The following NTRK3 variants were observed in gnomAD, a reference collection of about 807,000 sequenced individuals.
The protein encoded by NTRK3 is neurotrophic receptor tyrosine kinase 3.
In NTRK3, 24 loss-of-function variants were observed where a neutral mutation model predicts 91.7. The observed-to-expected ratio is 0.26, with a 90% CI of 0.19 to 0.37. The LOEUF is 0.37. NTRK3 is among the 10% of genes least tolerant of loss of function. The pLI, the probability that NTRK3 is intolerant of heterozygous loss-of-function variation, is 1.00. For missense variants in NTRK3, 880 were observed against 1,068.9 expected, an observed-to-expected ratio of 0.82 and a Z score of 2.46; for synonymous variants, 483 against 404.0, an observed-to-expected ratio of 1.20 and a Z score of -2.34.
intron 5 of NTRK3, among the ~76,000 whole-genome samples, chr15:88,175,100 T>G (rs1182596419): frequency 3.3e-5 from 5 of 152,278 alleles, no homozygotes; most frequent in Non-Finnish European, 5.9e-5. Flanking sequence ...GTAGCCTATC[T>G]ACTGCATACA....
chr15:87,893,859 G>C (rs1227207579), intron 17 of NTRK3, among the ~76,000 whole-genome samples: 1 of 152,150 alleles, frequency 6.6e-6, no homozygotes, highest in Non-Finnish European at 1.5e-5. Flanking sequence ...GGAACCAATG[G>C]AGGGATTCAA....
chr15:88,111,134 C>A (rs1189114304), intron 13 of NTRK3, among the ~76,000 whole-genome samples: 1 of 152,154 alleles, frequency 6.6e-6, no homozygotes, highest in Non-Finnish European at 1.5e-5. Context: ...GGGGGTTCAC[C>A]CCGGGCATGG....
chr15:87,905,162 T>C (rs1202278144), intron 17 of NTRK3, among the ~76,000 whole-genome samples: 1 of 152,108 alleles, frequency 6.6e-6, no homozygotes, highest in African/African-American at 2.4e-5. Context: ...ATGACAAGAG[T>C]ATGGCTTCTC....
intron 17 of NTRK3, among the ~76,000 whole-genome samples, chr15:87,900,507 T>C (rs986282526): frequency 6.6e-6 from 1 of 152,196 alleles, no homozygotes; most frequent in South Asian, 2.1e-4. Flanking sequence ...TTTCTTTTGG[T>C]CTCAATGTTC....
At chr15:87,943,106 C>G (rs987926002) in intron 14 of NTRK3, among the ~76,000 whole-genome samples, 3 of 152,082 alleles carry the variant, frequency 2.0e-5, no homozygotes, top group Non-Finnish European at 4.4e-5. Flanking sequence ...GCTCCTCCAC[C>G]AGGGATTCCA....
chr15:88,022,469 C>T (rs1017177057), intron 14 of NTRK3, among the ~76,000 whole-genome samples: 10 of 152,162 alleles, frequency 6.6e-5, no homozygotes, highest in South Asian at 2.1e-4. Flanking sequence ...ATCCAGTTGA[C>T]GAAGAAAAAA....
At chr15:87,940,562 C>T (rs2142015920) in intron 15 of NTRK3, 61 bp downstream of exon 15, 1 of 1,610,158 alleles carries the variant, frequency 6.2e-7, no homozygotes, top group Non-Finnish European at 8.5e-7. Context: ...GAGCCTCTTC[C>T]TTCCCTCCCT....
chr15:87,950,105 C>T lies in NTRK3; in HGVS notation c.1586-9352G>A, dbSNP rs74848190. Among the ~76,000 whole-genome samples, 902 of 152,312 alleles carry T rather than the reference C, an allele frequency of 5.9e-3. 17 individuals are homozygous for T. The highest frequency in any genetic ancestry group is 0.033 in the East Asian group (169 of 5,184). ...TCTGGCTCTGTCCCCCAAGCCGTCC[C>T]TGTGATGTCATGTTCTCACCAGAAC... On this transcript the variant is annotated intron_variant, in intron 14 of 18. Coordinates refer to ENST00000394480, the Ensembl canonical transcript of NTRK3.
intron 14 of NTRK3, among the ~76,000 whole-genome samples, chr15:87,999,187 C>G (rs2141599970): frequency 6.6e-6 from 1 of 152,318 alleles, no homozygotes; most frequent in South Asian, 2.1e-4. Context: ...AAGAGGTGCA[C>G]TGTTAGATCT....
At chr15:88,048,847 C>A (rs1239525524) in intron 13 of NTRK3, among the ~76,000 whole-genome samples, 3 of 152,164 alleles carry the variant, frequency 2.0e-5, no homozygotes, top group Admixed American at 1.3e-4. Context: ...CCACAAGGGT[C>A]CTGAGTTCTA....
intron 3 of NTRK3, among the ~76,000 whole-genome samples, chr15:88,242,311 C>T (rs139513555): frequency 1.3e-5 from 2 of 152,324 alleles, no homozygotes; most frequent in African/African-American, 2.4e-5. Flanking sequence ...AACTTCCCAG[C>T]CAGGGGGCAC....
At chr15:87,940,319 G>A (rs1025033718) in intron 15 of NTRK3, among the ~76,000 whole-genome samples, 1 of 152,212 alleles carries the variant, frequency 6.6e-6, no homozygotes, top group African/African-American at 2.4e-5. Context: ...GAAGGGTGGA[G>A]TGTGGAGGGC....
intron 13 of NTRK3, among the ~76,000 whole-genome samples, chr15:88,056,527 G>A (rs757582164): frequency 6.6e-6 from 1 of 152,152 alleles, no homozygotes; most frequent in Non-Finnish European, 1.5e-5. Flanking sequence ...GCTTCAATTT[G>A]ATGCTGAGAT....
At chr15:87,996,381 T>C (rs974346743) in intron 14 of NTRK3, among the ~76,000 whole-genome samples, 2 of 152,150 alleles carry the variant, frequency 1.3e-5, no homozygotes, top group Admixed American at 1.3e-4. Flanking sequence ...GGACACGTGA[T>C]ACATTAGGGC....
At chr15:88,049,139 T>C (rs779302997) in intron 13 of NTRK3, among the ~76,000 whole-genome samples, 1 of 152,168 alleles carries the variant, frequency 6.6e-6, no homozygotes, top group Non-Finnish European at 1.5e-5. Flanking sequence ...CAGTGCAAGG[T>C]GGTGCTGAAG....
chr15:88,119,070 G>A (rs571911962), intron 13 of NTRK3, among the ~76,000 whole-genome samples: 83 of 152,308 alleles, frequency 5.4e-4, no homozygotes, highest in African/African-American at 1.9e-3. Context: ...TAGGAGAGTC[G>A]ATGCAAGGGA....
exon 19 of NTRK3, chr15:87,868,980 G>T (rs2064757599): frequency 4.4e-6 from 1 of 228,046 alleles, no homozygotes; most frequent in Non-Finnish European, 8.7e-6. Context: ...GGATTGCAGA[G>T]CCCAGAGCAG....
chr15:88,191,525 T>A (rs1196964214), intron 3 of NTRK3, among the ~76,000 whole-genome samples: 1 of 152,194 alleles, frequency 6.6e-6, no homozygotes, highest in Non-Finnish European at 1.5e-5. Flanking sequence ...CATACAGGTG[T>A]CCCTTCTCTC....
At chr15:87,872,994 C>G (rs2064862613) in exon 19 of NTRK3, 1 of 233,068 alleles carries the variant, frequency 4.3e-6, no homozygotes, top group South Asian at 1.8e-4. Context: ...TGCCACTTTT[C>G]TACTTAACTT....
Sources: allele counts gnomAD v4.1 joint callset (sites outside exome capture counted in the v4.1 genomes callset), GRCh38; gene constraint gnomAD v4.1.1; transcripts MANE v1.5; gene names NCBI Gene and HGNC (gene_info 2026-07-23, HGNC 2026-07-21).